TSSK2: variants seen among roughly 807,000 people sequenced by gnomAD.
TSSK2 encodes testis-specific serine/threonine-protein kinase 2.
In TSSK2, 5 loss-of-function variants were observed where a neutral mutation model predicts 14.2. The ratio of observed to expected loss-of-function variants is 0.35; its 90% CI spans 0.18 to 0.74. TSSK2 has a LOEUF of 0.74. TSSK2 is among the 30% of genes least tolerant of loss of function. TSSK2 has a pLI of 0.56. For synonymous variants in TSSK2, 209 were observed against 201.9 expected, an observed-to-expected ratio of 1.04 and a Z score of -0.30; for missense variants, 439 against 491.1, an observed-to-expected ratio of 0.89 and a Z score of 1.00.
In TSSK2 at chr22:19,132,195, A is replaced by C. The variant is rs2083515819; in HGVS notation, c.796A>C (p.Ile266Leu). 8 of 1,612,728 alleles carry C rather than the reference A, an allele frequency of 5.0e-6. No individual in the cohort carries two copies. The highest frequency in any genetic ancestry group is 6.8e-6 in the Non-Finnish European group (8 of 1,179,088). Residue 266 changes from isoleucine (I) to leucine (L), a missense_variant, in exon 1 of 1, where the codon ATC becomes CTC. Physicochemically the swap from Ile to Leu is conservative, Grantham distance 5 (BLOSUM62 2). Transcript: ENST00000399635. The surrounding 1 kb of genome is among the most constrained non-coding windows in gnomAD (Gnocchi z 4.2). The stretch of plus-strand genomic sequence containing the variant: ...CAGCCAGCGGCTCCACATCGATGAG[A>C]TCCTCAGCCACTCGTGGCTGCAGCC... ...DVSQRLHIDEILSHSWLQPPK... is the reference protein window; with the variant it reads ...DVSQRLHIDELLSHSWLQPPK...
In TSSK2 at chr22:19,131,520, A is replaced by G. The variant is rs905524835; in HGVS notation, c.121A>G (p.Lys41Glu). Residue 41 changes from lysine to glutamate, a missense_variant, in exon 1 of 1, where the codon AAG (lysine) becomes GAG (glutamate). Coordinates refer to ENST00000399635, the MANE Select transcript of TSSK2 (RefSeq NM_053006.5). The surrounding 1 kb of genome is among the most constrained non-coding windows in gnomAD (Gnocchi z 5.7). ...SERLKFNVAV[K>E]IIDRKKTPTD... ...GCGCCTCAAGTTCAATGTGGCTGTC[A>G]AGATCATCGACCGCAAGAAAACACC... The G allele has an allele frequency of 1.9e-6, 3 of 1,614,060 alleles. No homozygotes were observed. The highest frequency in any genetic ancestry group is 2.7e-5 in the African/African-American group (2 of 74,940).
chr22:19,131,512 T>C lies in TSSK2; in HGVS notation c.113T>C (p.Val38Ala). Residue 38 changes from valine to alanine, a missense_variant, in exon 1 of 1, where the codon GTG becomes GCG. Val to Ala is a moderately conservative substitution (Grantham distance 64, BLOSUM62 0). Transcript: ENST00000399635. The surrounding 1 kb of genome is among the most constrained non-coding windows in gnomAD (Gnocchi z 5.7). ...SAYSERLKFN[V>A]AVKIIDRKKT... ...TACTCTGAGCGCCTCAAGTTCAATGTGGCTGTCAAGATCATCGACCGCAAG... is the reference window on the plus strand; with the variant it reads ...TACTCTGAGCGCCTCAAGTTCAATGCGGCTGTCAAGATCATCGACCGCAAG... The C allele has an allele frequency of 6.2e-7, 1 of 1,614,182 alleles. No individual in the cohort carries two copies. Among genetic ancestry groups the C allele is most frequent in the South Asian group, 1.1e-5 (1 of 91,078 alleles).
chr22:19,132,052 A>T lies in TSSK2; in HGVS notation c.653A>T (p.Asp218Val). ...GTCTGCGGCTCCATGCCCTATGACG[A>T]CTCCGACATCAGGAAGATGCTGCGT... is the stretch of plus-strand genomic sequence containing the variant. ...IMVCGSMPYD[D>V]SDIRKMLRIQ... Residue 218 changes from aspartate to valine, a missense_variant, in exon 1 of 1, where the codon GAC (aspartate) becomes GTC (valine). By Grantham distance (152) the Asp-to-Val change is radical (BLOSUM62 -3). Transcript: ENST00000399635. The surrounding 1 kb of genome is among the most constrained non-coding windows in gnomAD (Gnocchi z 4.2). 6.2e-7 allele frequency: 1 copy of T among 1,613,682 alleles called. No individual in the cohort carries two copies. The highest frequency in any genetic ancestry group is 1.1e-5 in the South Asian group (1 of 91,048).
rs1252228580 is a variant in TSSK2, at chr22:19,131,391, C to T, written c.-9C>T. 4 of 1,581,432 alleles carry T rather than the reference C, an allele frequency of 2.5e-6. No homozygotes were observed. The highest frequency in any genetic ancestry group is 3.4e-4 in the Middle Eastern group (2 of 5,884). The stretch of plus-strand genomic sequence containing the variant: ...GTAGACGGCAGCGGCGCCAGTCGCT[C>T]CTGGCACCATGGACGATGCCACAGT... On this transcript the variant is annotated 5_prime_UTR_variant, in exon 1 of 1. Transcript: ENST00000399635. The surrounding 1 kb of genome is among the most constrained non-coding windows in gnomAD (Gnocchi z 5.7).
At position 19,131,909 on chromosome 22, in the gene TSSK2, C is replaced by T. The variant is rs2083511940; in HGVS notation, c.510C>T (p.Ile170=). The stretch of plus-strand genomic sequence containing the variant: ...TGCGGGACAGCAATGGGCGCATCAT[C>T]CTCAGCAAGACCTTCTGCGGGTCGG... ...RCLRDSNGRI[I]LSKTFCGSAA... is the part of the protein sequence containing the mutation. Residue 170 remains isoleucine (I), a synonymous_variant, in exon 1 of 1, where the codon ATC becomes ATT. Coordinates refer to ENST00000399635, the MANE Select transcript of TSSK2 (RefSeq NM_053006.5). This position sits in a 1 kb window ranked among gnomAD's most constrained non-coding sequence, Gnocchi z 5.7. 1 of 1,614,002 alleles carries T rather than the reference C, an allele frequency of 6.2e-7. No homozygotes were observed. Among genetic ancestry groups the T allele is most frequent in the Admixed American group, 1.7e-5 (1 of 60,004 alleles).
Position 19,131,546 on chromosome 22 carries a change from T to C in TSSK2, c.147T>C (p.Pro49=). The C allele has an allele frequency of 6.2e-7, 1 of 1,614,132 alleles. No homozygotes were observed. The highest frequency in any genetic ancestry group is 8.5e-7 in the Non-Finnish European group (1 of 1,180,026). ...AGATCATCGACCGCAAGAAAACACC[T>C]ACTGACTTTGTGGAGAGATTCCTTC... ...AVKIIDRKKT[P]TDFVERFLPR... is the part of the protein sequence containing the mutation. The change falls in exon 1 of 1, where the codon CCT becomes CCC. Residue 49 remains proline, a synonymous_variant. Coordinates refer to ENST00000399635, the MANE Select transcript of TSSK2 (RefSeq NM_053006.5). This position sits in a 1 kb window ranked among gnomAD's most constrained non-coding sequence, Gnocchi z 5.7.
Position 19,131,337 on chromosome 22 carries a change from A to G in TSSK2, c.-63A>G. 2.1e-6 allele frequency: 3 copies of G among 1,448,590 alleles called. No homozygotes were observed. Among genetic ancestry groups the G allele is most frequent in the Non-Finnish European group, 2.8e-6 (3 of 1,062,276 alleles). 89.7% of individuals were successfully genotyped at this position (1,448,590 alleles called of 1,614,324 possible). A position where few individuals can be genotyped will look rare whatever the true frequency, so the allele number is the denominator to read the frequency against. Reference sequence around the variant, plus strand: ...GCCTCCGGTAGTGTAAATGAGGACAATGCCTGCTGGCCCACATGACGGGGG... The same window carrying G: ...GCCTCCGGTAGTGTAAATGAGGACAGTGCCTGCTGGCCCACATGACGGGGG... On this transcript the variant is annotated 5_prime_UTR_variant, in exon 1 of 1. An upstream start codon of the reference 5' UTR is lost. Coordinates refer to ENST00000399635, the MANE Select transcript of TSSK2 (RefSeq NM_053006.5). The surrounding 1 kb of genome is among the most constrained non-coding windows in gnomAD (Gnocchi z 5.7).
Position 19,132,250 on chromosome 22 carries a change from C to T in TSSK2, c.851C>T (p.Ser284Phe), listed in dbSNP as rs1457843563. The T allele has an allele frequency of 2.5e-6, 4 of 1,612,186 alleles. No individual in the cohort carries two copies. The East Asian group carries it at 8.9e-5, about 36-fold the overall frequency. The change falls in exon 1 of 1, where the codon TCC becomes TTC. Residue 284 changes from serine (S) to phenylalanine (F), a missense_variant. Coordinates refer to ENST00000399635, the MANE Select transcript of TSSK2 (RefSeq NM_053006.5). This position sits in a 1 kb window ranked among gnomAD's most constrained non-coding sequence, Gnocchi z 4.2. ...PPKPKATSSASFKREGEGKYR... is the reference protein window; with the variant it reads ...PPKPKATSSAFFKREGEGKYR... ...AAGCCCAAAGCCACGTCTTCTGCCT[C>T]CTTCAAGAGGGAGGGGGAGGGCAAG...
chr22:19,131,891 C>G lies in TSSK2; in HGVS notation c.492C>G (p.Asp164Glu). 3 of 1,614,112 alleles carry G rather than the reference C, an allele frequency of 1.9e-6. No individual in the cohort carries two copies. Among genetic ancestry groups the G allele is most frequent in the Non-Finnish European group, 2.5e-6 (3 of 1,179,992 alleles). ...GCTTCTCCAAGCGCTGCCTGCGGGA[C>G]AGCAATGGGCGCATCATCCTCAGCA... ...DFGFSKRCLR[D>E]SNGRIILSKT... The change falls in exon 1 of 1, where the codon GAC becomes GAG. Residue 164 changes from aspartate to glutamate, a missense_variant. Transcript: ENST00000399635. The surrounding 1 kb of genome is among the most constrained non-coding windows in gnomAD (Gnocchi z 5.7).
rs746308938 is a variant in TSSK2 at position 19,131,795 on chromosome 22, C to A, written c.396C>A (p.Ile132=). Residue 132 remains isoleucine (I), a synonymous_variant, in exon 1 of 1, where the codon ATC becomes ATA. Coordinates refer to ENST00000399635, the MANE Select transcript of TSSK2 (RefSeq NM_053006.5). This position sits in a 1 kb window ranked among gnomAD's most constrained non-coding sequence, Gnocchi z 5.7. ...SAVKYCHDLD[I]VHRDLKCENL... ...TCAAGTACTGCCACGACCTGGACAT[C>A]GTCCACCGGGACCTCAAGTGCGAGA... The A allele has an allele frequency of 1.2e-6, 2 of 1,614,114 alleles. No homozygotes were observed. Among genetic ancestry groups the A allele is most frequent in the South Asian group, 1.1e-5 (1 of 91,086 alleles).
chr22:19,131,974 A>C lies in TSSK2; in HGVS notation c.575A>C (p.Tyr192Ser), dbSNP rs768744348. The change falls in exon 1 of 1, where the codon TAC becomes TCC. Residue 192 changes from tyrosine (Y) to serine (S), a missense_variant. Transcript: ENST00000399635. This position sits in a 1 kb window ranked among gnomAD's most constrained non-coding sequence, Gnocchi z 5.7. ...CCCGAGGTGCTGCAGAGCATCCCCT[A>C]CCAGCCCAAGGTGTATGACATCTGG... ...AAPEVLQSIPYQPKVYDIWSL... is the reference protein window; with the variant it reads ...AAPEVLQSIPSQPKVYDIWSL... The C allele has an allele frequency of 1.8e-5, 29 of 1,614,004 alleles. No homozygotes were observed. Among genetic ancestry groups the C allele is most frequent in the Non-Finnish European group, 2.4e-5 (28 of 1,180,034 alleles).
In TSSK2 at chr22:19,131,531, C is replaced by T. The variant is rs879221219; in HGVS notation, c.132C>T (p.Asp44=). The T allele has an allele frequency of 6.2e-7, 1 of 1,614,216 alleles. No individual in the cohort carries two copies. The highest frequency in any genetic ancestry group is 1.7e-5 in the Admixed American group (1 of 60,028). ...LKFNVAVKII[D]RKKTPTDFVE... is the part of the protein sequence containing the mutation. Reference sequence around the variant, plus strand: ...TCAATGTGGCTGTCAAGATCATCGACCGCAAGAAAACACCTACTGACTTTG... The same window carrying T: ...TCAATGTGGCTGTCAAGATCATCGATCGCAAGAAAACACCTACTGACTTTG... The change falls in exon 1 of 1, where the codon GAC becomes GAT. Residue 44 remains aspartate, a synonymous_variant. Transcript: ENST00000399635. The surrounding 1 kb of genome is among the most constrained non-coding windows in gnomAD (Gnocchi z 5.7).
At position 19,131,740 on chromosome 22, in the gene TSSK2, G is replaced by T; in HGVS notation, c.341G>T (p.Arg114Leu). 1 of 1,614,030 alleles carries T rather than the reference G, an allele frequency of 6.2e-7. No individual in the cohort carries two copies. Among genetic ancestry groups the T allele is most frequent in the Non-Finnish European group, 8.5e-7 (1 of 1,179,944 alleles). ...CQGALHEDVARKMFRQLSSAV... is the reference protein window; with the variant it reads ...CQGALHEDVALKMFRQLSSAV... ...GGAGCCCTGCATGAGGACGTGGCAC[G>T]CAAGATGTTCCGACAGCTCTCCTCC... The change falls in exon 1 of 1, where the codon CGC becomes CTC. Residue 114 changes from arginine to leucine, a missense_variant. Arg to Leu is a moderately radical substitution (Grantham distance 102). Transcript: ENST00000399635. The surrounding 1 kb of genome is among the most constrained non-coding windows in gnomAD (Gnocchi z 5.7).
rs3747051 is a variant in TSSK2 at position 19,131,388 on chromosome 22, G to A, written c.-12G>A. ...GATGTAGACGGCAGCGGCGCCAGTC[G>A]CTCCTGGCACCATGGACGATGCCAC... On this transcript the variant is annotated 5_prime_UTR_variant, in exon 1 of 1. Coordinates refer to ENST00000399635, the MANE Select transcript of TSSK2 (RefSeq NM_053006.5). The surrounding 1 kb of genome is among the most constrained non-coding windows in gnomAD (Gnocchi z 5.7). The A allele has an allele frequency of 3.4e-4, 539 of 1,574,338 alleles. 6 individuals are homozygous for A. In the East Asian group the frequency reaches 8.9e-3, roughly 26 times the overall value.
rs2083518396 is a variant in TSSK2 at position 19,132,374 on chromosome 22, G to A, written c.975G>A (p.Val325=). The stretch of plus-strand genomic sequence containing the variant: ...CCAAAACCCAGCACCGGCTGCTGGT[G>A]GTGCCCGAGAACGAGAACAGGATGG... ...LGAKTQHRLL[V]VPENENRMED... Residue 325 remains valine, a synonymous_variant, in exon 1 of 1, where the codon GTG becomes GTA. Coordinates refer to ENST00000399635, the MANE Select transcript of TSSK2 (RefSeq NM_053006.5). This position sits in a 1 kb window ranked among gnomAD's most constrained non-coding sequence, Gnocchi z 4.2. The A allele has an allele frequency of 3.1e-6, 5 of 1,613,060 alleles. No homozygotes were observed. The highest frequency in any genetic ancestry group is 4.2e-6 in the Non-Finnish European group (5 of 1,180,022).
chr22:19,131,461 G>T lies in TSSK2; in HGVS notation c.62G>T (p.Gly21Val). ...GYIVGINLGK[G>V]SYAKVKSAYS... ...ATCGTAGGCATCAATCTTGGCAAGGGTTCCTACGCAAAAGTCAAATCTGCC... is the reference window on the plus strand; with the variant it reads ...ATCGTAGGCATCAATCTTGGCAAGGTTTCCTACGCAAAAGTCAAATCTGCC... Residue 21 changes from glycine (G) to valine (V), a missense_variant, in exon 1 of 1, where the codon GGT becomes GTT. Coordinates refer to ENST00000399635, the MANE Select transcript of TSSK2 (RefSeq NM_053006.5). This position sits in a 1 kb window ranked among gnomAD's most constrained non-coding sequence, Gnocchi z 5.7. The T allele has an allele frequency of 1.2e-6, 2 of 1,614,140 alleles. No individual in the cohort carries two copies. The highest frequency in any genetic ancestry group is 1.7e-6 in the Non-Finnish European group (2 of 1,180,024).
In TSSK2 at chr22:19,132,086, G is replaced by A; in HGVS notation, c.687G>A (p.Lys229=). 6.2e-7 allele frequency: 1 copy of A among 1,613,554 alleles called. No homozygotes were observed. Among genetic ancestry groups the A allele is most frequent in the Non-Finnish European group, 8.5e-7 (1 of 1,179,548 alleles). Residue 229 remains lysine (K), a synonymous_variant, in exon 1 of 1, where the codon AAG becomes AAA. Coordinates refer to ENST00000399635, the MANE Select transcript of TSSK2 (RefSeq NM_053006.5). The surrounding 1 kb of genome is among the most constrained non-coding windows in gnomAD (Gnocchi z 4.2). The part of the protein sequence containing the change: ...SDIRKMLRIQ[K]EHRVDFPRSK... Reference sequence around the variant, plus strand: ...TCAGGAAGATGCTGCGTATCCAGAAGGAGCACCGTGTGGACTTCCCGCGCT... The same window carrying A: ...TCAGGAAGATGCTGCGTATCCAGAAAGAGCACCGTGTGGACTTCCCGCGCT...
In TSSK2 at chr22:19,132,337, A is replaced by G. The variant is rs1347606982; in HGVS notation, c.938A>G (p.His313Arg). 1 of 1,612,932 alleles carries G rather than the reference A, an allele frequency of 6.2e-7. No homozygotes were observed. The highest frequency in any genetic ancestry group is 1.7e-5 in the Admixed American group (1 of 60,004). ...TTGAGGCCCGACCACCGGCCCGACC[A>G]CAAGCTTGGAGCCAAAACCCAGCAC... The part of the protein sequence containing the change: ...TGLRPDHRPD[H>R]KLGAKTQHRL... Residue 313 changes from histidine (H) to arginine (R), a missense_variant, in exon 1 of 1, where the codon CAC (histidine) becomes CGC (arginine). By Grantham distance (29) the His-to-Arg change is conservative (BLOSUM62 0). Transcript: ENST00000399635. This position sits in a 1 kb window ranked among gnomAD's most constrained non-coding sequence, Gnocchi z 4.2.
rs1014320318 is a variant in TSSK2 at position 19,131,348 on chromosome 22, C to T, written c.-52C>T. On this transcript the variant is annotated 5_prime_UTR_variant, in exon 1 of 1. Coordinates refer to ENST00000399635, the MANE Select transcript of TSSK2 (RefSeq NM_053006.5). The surrounding 1 kb of genome is among the most constrained non-coding windows in gnomAD (Gnocchi z 5.7). ...TGTAAATGAGGACAATGCCTGCTGG[C>T]CCACATGACGGGGGGATGTAGACGG... The T allele has an allele frequency of 1.3e-6, 2 of 1,488,780 alleles. No homozygotes were observed. Among genetic ancestry groups the T allele is most frequent in the Middle Eastern group, 1.8e-4 (1 of 5,630 alleles). 92.2% of individuals were successfully genotyped at this position (1,488,780 alleles called of 1,614,324 possible).
Sources: gnomAD v4.1 joint callset for allele counts on GRCh38, gnomAD v4.1.1 for gene constraint, Gnocchi (gnomAD v3.1) non-coding constraint, MANE v1.5 for transcripts, NCBI Gene and HGNC (gene_info 2026-07-23, HGNC 2026-07-21) for gene names.